SYT14: variants seen among roughly 807,000 people sequenced by gnomAD.
SYT14 encodes synaptotagmin-14.
Under a neutral mutation model 74.2 loss-of-function variants are expected in SYT14, and 32 were observed. The observed-to-expected ratio is 0.43, with a 90% CI of 0.33 to 0.58. The LOEUF (loss-of-function observed/expected upper bound fraction) is 0.58. Ranked by LOEUF, SYT14 falls within the 20% of genes least tolerant of loss-of-function variation. SYT14 has a pLI of 0.05. For missense variants in SYT14, 791 were observed against 981.8 expected (o/e 0.81, Z 2.60); for synonymous variants, 298 against 337.7 (o/e 0.88, Z 1.29).
chr1:210,051,603 C>T lies in SYT14; in HGVS notation c.1312+30349C>T, dbSNP rs186905445. 1.1e-4 allele frequency among the ~76,000 whole-genome samples: 17 copies of T among 152,072 alleles called. No homozygotes were observed. In the East Asian group the frequency reaches 2.7e-3, roughly 24 times the overall value. On this transcript the variant is annotated intron_variant, in intron 5 of 9. Transcript: ENST00000637265. ...GTTTTGAAAAAATAATTATGTGTGT[C>T]TTGTTATTTTCCCTTCACATAGAAT...
chr1:210,141,196 C>A (rs2082908292), intron 7 of SYT14, among the ~76,000 whole-genome samples: 1 of 152,040 alleles, frequency 6.6e-6, no homozygotes, highest in Non-Finnish European at 1.5e-5. Context: ...TTTAGGACTT[C>A]TTTGATTTCT....
intron 5 of SYT14, among the ~76,000 whole-genome samples, chr1:210,023,553 AG>A (rs1484855654): frequency 6.6e-6 from 1 of 151,950 alleles, no homozygotes; most frequent in Non-Finnish European, 1.5e-5. Flanking sequence ...CATATTGGCC[AG>A]GCTGGTCTCG....
intron 1 of SYT14, among the ~76,000 whole-genome samples, chr1:209,946,399 A>G (rs971294726): frequency 6.6e-6 from 1 of 152,270 alleles, no homozygotes; most frequent in African/African-American, 2.4e-5. Context: ...TACCTGCTGT[A>G]GTGAACACAT....
chr1:210,053,986 G>A (rs2081049169), intron 5 of SYT14, among the ~76,000 whole-genome samples: 1 of 152,090 alleles, frequency 6.6e-6, no homozygotes, highest in African/African-American at 2.4e-5. Context: ...GTTTGGCCAG[G>A]TATAGAATGT....
chr1:210,073,257 A>G (rs1317673663), intron 5 of SYT14, among the ~76,000 whole-genome samples: 1 of 152,034 alleles, frequency 6.6e-6, no homozygotes, highest in Non-Finnish European at 1.5e-5. Context: ...CTTTGAAAAT[A>G]AGGAGGTATT....
At position 210,118,656 on chromosome 1, in the gene SYT14, TTTAG is replaced by T. The variant is rs200791353; in HGVS notation, c.2034+18197_2034+18200del. Among the ~76,000 whole-genome samples, 1,509 of 152,232 alleles carry T rather than the reference TTTAG, an allele frequency of 9.9e-3. 22 individuals are homozygous for T. Among genetic ancestry groups the T allele is most frequent in the African/African-American group, 0.035 (1,441 of 41,542 alleles). ...CATGCCCAGCTAATATTTTTGTATT[TTTAG>T]TAGAGATGATGTTTCATCATGTTGG... On this transcript the variant is annotated intron_variant, in intron 7 of 9. Transcript: ENST00000637265.
At chr1:210,149,072 TATA>T (rs1167066930) in intron 7 of SYT14, among the ~76,000 whole-genome samples, 3 of 152,054 alleles carry the variant, frequency 2.0e-5, no homozygotes, top group East Asian at 1.9e-4. Flanking sequence ...CAATCTCACT[TATA>T]AGCGTATAGG....
At chr1:210,169,430 T>C (rs912184387) in exon 10 of SYT14, 19 of 152,088 alleles carry the variant, frequency 1.2e-4, no homozygotes, top group Non-Finnish European at 2.2e-4. Flanking sequence ...TATTGAAGCA[T>C]ATTTAAACAG....
chr1:209,939,573 G>A (rs1468426625), intron 1 of SYT14, among the ~76,000 whole-genome samples: 1 of 152,208 alleles, frequency 6.6e-6, no homozygotes, highest in African/African-American at 2.4e-5. Flanking sequence ...AATCTATGAT[G>A]TTCCTGTTAT....
intron 8 of SYT14, among the ~76,000 whole-genome samples, chr1:210,157,853 T>G (rs546521653): frequency 8.5e-4 from 130 of 152,258 alleles, no homozygotes; most frequent in African/African-American, 2.9e-3. Context: ...GTAAAAATTA[T>G]TTATTCAATG....
intron 5 of SYT14, among the ~76,000 whole-genome samples, chr1:210,056,783 A>G (rs1341717791): frequency 6.6e-6 from 1 of 151,542 alleles, no homozygotes; most frequent in Non-Finnish European, 1.5e-5. Context: ...GAAACTCCGT[A>G]TCAAACAACA....
intron 7 of SYT14, among the ~76,000 whole-genome samples, chr1:210,110,735 A>T (rs1286453265): frequency 6.6e-6 from 1 of 152,174 alleles, no homozygotes; most frequent in Non-Finnish European, 1.5e-5. Context: ...CTTTATAGAA[A>T]TATATTAGAT....
chr1:210,028,291 A>T (rs924287059), intron 5 of SYT14, among the ~76,000 whole-genome samples: 1 of 152,154 alleles, frequency 6.6e-6, no homozygotes, highest in Non-Finnish European at 1.5e-5. Context: ...CACATAACAT[A>T]AAATTTACCA....
chr1:209,963,944 G>A (rs138214138), intron 2 of SYT14, among the ~76,000 whole-genome samples: 88 of 152,282 alleles, frequency 5.8e-4, no homozygotes, highest in African/African-American at 2.0e-3. Context: ...TACAATACCA[G>A]TTATTGGATA....
intron 7 of SYT14, among the ~76,000 whole-genome samples, chr1:210,120,678 C>T (rs1375380890): frequency 6.6e-6 from 1 of 152,062 alleles, no homozygotes; most frequent in Non-Finnish European, 1.5e-5. Flanking sequence ...ATTTCTCAGA[C>T]CGTTTCTGTG....
chr1:210,128,431 C>A (rs2082612516), intron 7 of SYT14, among the ~76,000 whole-genome samples: 1 of 151,968 alleles, frequency 6.6e-6, no homozygotes, highest in Non-Finnish European at 1.5e-5. Flanking sequence ...AAACAGCTAT[C>A]TTATATTGTA....
intron 5 of SYT14, among the ~76,000 whole-genome samples, chr1:210,052,024 C>T (rs1031766198): frequency 6.6e-6 from 1 of 152,062 alleles, no homozygotes; most frequent in Non-Finnish European, 1.5e-5. Context: ...AGTCAAATTT[C>T]TTGATTTGTA....
chr1:209,992,168 CAG>C (rs959387147), intron 2 of SYT14, among the ~76,000 whole-genome samples: 3 of 152,008 alleles, frequency 2.0e-5, no homozygotes, highest in African/African-American at 7.3e-5. Flanking sequence ...TTGCTTGAGA[CAG>C]GGTCTTGCTC....
At chr1:210,081,791 A>G (rs2081621498) in intron 5 of SYT14, among the ~76,000 whole-genome samples, 1 of 152,246 alleles carries the variant, frequency 6.6e-6, no homozygotes, top group Admixed American at 6.5e-5. Flanking sequence ...TTCACAAAAC[A>G]GAATAAACAA....
Sources: gnomAD v4.1 joint callset for allele counts (sites outside exome capture counted in the v4.1 genomes callset) on GRCh38, gnomAD v4.1.1 for gene constraint, MANE v1.5 for transcripts, NCBI Gene and HGNC (gene_info 2026-07-23, HGNC 2026-07-21) for gene names.